The following XPOT variants were observed in gnomAD, a reference collection of about 807,000 sequenced individuals.
XPOT encodes the protein exportin-T.
Under a neutral mutation model 128.2 loss-of-function variants are expected in XPOT, and 34 were observed. That is an observed-to-expected ratio of 0.27 (90% confidence interval 0.20 to 0.35). The LOEUF is 0.35. Ranked by LOEUF, XPOT falls within the 10% of genes least tolerant of loss-of-function variation. The pLI is 1.00. For synonymous variants in XPOT, 348 were observed against 394.3 expected, an observed-to-expected ratio of 0.88 and a Z score of 1.39; for missense variants, 838 against 1,125.3, an observed-to-expected ratio of 0.74 and a Z score of 3.65.
intron 19 of XPOT, 121 bp downstream of exon 19, chr12:64,433,724 G>T: frequency 1.1e-6 from 1 of 928,462 alleles, no homozygotes; most frequent in Non-Finnish European, 1.5e-6. Flanking sequence ...CCCATGGGAA[G>T]ACAGTTTATT....
chr12:64,410,638 A>C (rs1163513382), intron 2 of XPOT, among the ~76,000 whole-genome samples: 1 of 152,090 alleles, frequency 6.6e-6, no homozygotes, highest in East Asian at 1.9e-4. Context: ...GTGATATTTA[A>C]CTTTCTTGTT....
intron 23 of XPOT, among the ~76,000 whole-genome samples, chr12:64,444,263 C>G (rs1215189467): frequency 6.6e-6 from 1 of 152,206 alleles, no homozygotes; most frequent in Non-Finnish European, 1.5e-5. Flanking sequence ...CATGAATCCA[C>G]CTTGTCTAGG....
At chr12:64,419,606 G>A (rs2040120069) in intron 6 of XPOT, among the ~76,000 whole-genome samples, 1 of 152,208 alleles carries the variant, frequency 6.6e-6, no homozygotes, top group African/African-American at 2.4e-5. Context: ...ACTGCGCCCA[G>A]CCTAAATTTT....
At position 64,430,124 on chromosome 12, in the gene XPOT, A is replaced by T; in HGVS notation, c.1813A>T (p.Asn605Tyr). The T allele has an allele frequency of 6.2e-7, 1 of 1,613,894 alleles. No homozygotes were observed. Among genetic ancestry groups the T allele is most frequent in the Non-Finnish European group, 8.5e-7 (1 of 1,179,830 alleles). ...TGAGACAGCTGGAGTGCTGATTGTT[A>T]ATAGTGAATATCCGGCAGAAAGGAA... Reference protein sequence around the residue: ...IYETAGVLIVNSEYPAERKQA... With the variant: ...IYETAGVLIVYSEYPAERKQA... Residue 605 changes from asparagine (N) to tyrosine (Y), a missense_variant, in exon 17 of 25, where the codon AAT becomes TAT. Asn to Tyr is a moderately radical substitution (Grantham distance 143, BLOSUM62 -2). This residue lies in a region of XPOT where 761 missense variants were observed against 988.3 expected (regional missense o/e 0.77). Transcript: ENST00000332707.
At chr12:64,444,898 A>C (rs1381532001) in intron 23 of XPOT, among the ~76,000 whole-genome samples, 177 bp from the exon 24 acceptor site, 2 of 150,824 alleles carry the variant, frequency 1.3e-5, no homozygotes, top group Non-Finnish European at 3.0e-5. Flanking sequence ...CCTTGAGCCT[A>C]GGAGTTGGAG....
At chr12:64,439,435 T>G in intron 23 of XPOT, 120 bp downstream of exon 23, 1 of 868,590 alleles carries the variant, frequency 1.2e-6, no homozygotes, top group Non-Finnish European at 1.8e-6. Flanking sequence ...GTTGCCAGCA[T>G]CTCAAAATAC....
At chr12:64,419,930 T>G in intron 6 of XPOT, 140 bp from the exon 7 acceptor site, 4 of 648,954 alleles carry the variant, frequency 6.2e-6, no homozygotes, top group East Asian at 3.0e-5. Context: ...TCACAGGATA[T>G]GATCTTAGAG....
chr12:64,448,148 T>G lies in XPOT; in HGVS notation c.*17T>G, dbSNP rs377184395. 1.9e-6 allele frequency: 3 copies of G among 1,613,430 alleles called. No homozygotes were observed. In the African/African-American group the frequency reaches 4.0e-5, roughly 22 times the overall value. On this transcript the variant is annotated 3_prime_UTR_variant, in exon 25 of 25. Transcript: ENST00000332707. ...AAGCCCTGAGGACTGGATTTCCCTG[T>G]GCCTACTTCATGATCATGAATTCCA...
chr12:64,441,054 G>A (rs1009085990), intron 23 of XPOT, among the ~76,000 whole-genome samples: 1 of 152,114 alleles, frequency 6.6e-6, no homozygotes, highest in Non-Finnish European at 1.5e-5. Flanking sequence ...TTTTCTTCTA[G>A]TTTTGCAGTT....
chr12:64,417,969 A>G, intron 4 of XPOT, 77 bp from the exon 5 acceptor site: 2 of 1,178,470 alleles, frequency 1.7e-6, no homozygotes, highest in African/African-American at 1.6e-5. Context: ...TCCCTTTCAA[A>G]TATATGAGGC....
At chr12:64,429,354 T>G (rs2040218028) in intron 16 of XPOT, among the ~76,000 whole-genome samples, 1 of 152,184 alleles carries the variant, frequency 6.6e-6, no homozygotes, top group Admixed American at 6.5e-5. Flanking sequence ...TGACTAATCT[T>G]TCCTGGAAAC....
chr12:64,425,469 G>A lies in XPOT; in HGVS notation c.1572+12G>A. 1.2e-6 allele frequency: 2 copies of A among 1,611,552 alleles called. No individual in the cohort carries two copies. The highest frequency in any genetic ancestry group is 2.2e-5 in the East Asian group (1 of 44,850). ...TTCCATGTGTACTAGTAAGTACTCTGGATTTTTGTTACTTTCCATGGGTTT... is the reference window on the plus strand; with the variant it reads ...TTCCATGTGTACTAGTAAGTACTCTAGATTTTTGTTACTTTCCATGGGTTT... On this transcript the variant is annotated intron_variant, in intron 14 of 24. Transcript: ENST00000332707.
intron 7 of XPOT, 45 bp downstream of exon 7, chr12:64,420,299 G>T: frequency 6.3e-7 from 1 of 1,594,048 alleles, no homozygotes; most frequent in Non-Finnish European, 8.5e-7. Context: ...GTAAAATACA[G>T]TATCTAAAAC....
rs1234821989 is a variant in XPOT at position 64,425,060 on chromosome 12, A to G, written c.1330A>G (p.Met444Val). The change falls in exon 13 of 25, where the codon ATG becomes GTG. Residue 444 changes from methionine (M) to valine (V), a missense_variant. Transcript: ENST00000332707. ...TLQNWQTTRF[M>V]EVEVAIRLLY... Reference sequence around the variant, plus strand: ...TAGGAATTGGCAGACTACACGGTTTATGGAAGTTGAAGTAGCAATAAGATT... The same window carrying G: ...TAGGAATTGGCAGACTACACGGTTTGTGGAAGTTGAAGTAGCAATAAGATT... 1.2e-6 allele frequency: 2 copies of G among 1,612,834 alleles called. No homozygotes were observed. Among genetic ancestry groups the G allele is most frequent in the Non-Finnish European group, 1.7e-6 (2 of 1,180,002 alleles).
chr12:64,447,227 G>T (rs2040373301), intron 24 of XPOT, among the ~76,000 whole-genome samples: 1 of 152,164 alleles, frequency 6.6e-6, no homozygotes, highest in African/African-American at 2.4e-5. Flanking sequence ...TACAAGATGA[G>T]ATCTGCGTGG....
intron 24 of XPOT, among the ~76,000 whole-genome samples, chr12:64,445,365 A>G (rs1307091402): frequency 6.6e-6 from 1 of 152,208 alleles, no homozygotes; most frequent in African/African-American, 2.4e-5. Context: ...AACTAGAGGG[A>G]TTAGGAGAAT....
intron 15 of XPOT, 93 bp from the exon 16 acceptor site, chr12:64,427,957 CT>C (rs1390834220): frequency 6.4e-5 from 55 of 853,740 alleles, no homozygotes; most frequent in Non-Finnish European, 7.5e-5. Flanking sequence ...TACAACTGAA[CT>C]TTTTTTTAGT....
Position 64,425,964 on chromosome 12 carries a change from A to G in XPOT, c.1667+55A>G, listed in dbSNP as rs924061553. 4.0e-6 allele frequency: 6 copies of G among 1,482,984 alleles called. No individual in the cohort carries two copies. The Admixed American group carries it at 1.0e-4, about 25-fold the overall frequency. The allele number at this position is 1,482,984 out of a possible 1,614,324, so 91.9% of individuals were successfully genotyped here. A position where few individuals can be genotyped will look rare whatever the true frequency, so the allele number is the denominator to read the frequency against. ...AGTTATTTTTTAAGTTACTGGATAG[A>G]TGTAAAACAATAGTAAAGACATGGA... On this transcript the variant is annotated intron_variant, in intron 15 of 24. Transcript: ENST00000332707.
intron 16 of XPOT, 80 bp from the exon 17 acceptor site, chr12:64,429,969 C>T: frequency 1.6e-6 from 2 of 1,278,836 alleles, no homozygotes; most frequent in Non-Finnish European, 2.2e-6. Context: ...ATTACATTTC[C>T]TGTTCCTAAT....
Sources: allele counts gnomAD v4.1 joint callset (sites outside exome capture counted in the v4.1 genomes callset), GRCh38; gene constraint gnomAD v4.1.1; regional missense constraint gnomAD v4.1.1; transcripts MANE v1.5; gene names NCBI Gene and HGNC (gene_info 2026-07-23, HGNC 2026-07-21).